The following BIRC2 variants were observed in gnomAD, a reference collection of about 807,000 sequenced individuals.
The protein encoded by BIRC2 is baculoviral IAP repeat-containing protein 2.
A neutral mutation model predicts 60.9 loss-of-function variants in BIRC2; 18 were observed. That is an observed-to-expected ratio of 0.30 (90% confidence interval 0.20 to 0.44). The LOEUF (loss-of-function observed/expected upper bound fraction) is 0.44. BIRC2 is among the 20% of genes least tolerant of loss of function. The pLI is 1.00. For synonymous variants in BIRC2, 282 were observed against 247.7 expected (o/e 1.14, Z -1.30); for missense variants, 701 against 728.5 (o/e 0.96, Z 0.43).
Position 102,349,851 on chromosome 11 carries a change from A to C in BIRC2, c.-4A>C. Reference sequence around the variant, plus strand: ...TAGCTATCAAACAGTACTGTCACCTACTCATGCACAAAACTGCCTCCCAAA... The same window carrying C: ...TAGCTATCAAACAGTACTGTCACCTCCTCATGCACAAAACTGCCTCCCAAA... On this transcript the variant is annotated 5_prime_UTR_variant, in exon 2 of 9. Transcript: ENST00000227758. The C allele has an allele frequency of 6.3e-7, 1 of 1,595,298 alleles. No individual in the cohort carries two copies. The highest frequency in any genetic ancestry group is 8.5e-7 in the Non-Finnish European group (1 of 1,170,228).
At chr11:102,373,819 T>G (rs1489933349) in intron 6 of BIRC2, among the ~76,000 whole-genome samples, 3 of 151,700 alleles carry the variant, frequency 2.0e-5, no homozygotes, top group African/African-American at 7.3e-5. Context: ...CAGACGTAGA[T>G]TTGGTCTTTT....
intron 3 of BIRC2, among the ~76,000 whole-genome samples, chr11:102,362,588 A>G (rs1464031930): frequency 6.6e-6 from 1 of 152,214 alleles, no homozygotes; most frequent in Admixed American, 6.5e-5. Flanking sequence ...CTTTAAGCAC[A>G]AAATAGATTG....
chr11:102,367,364 A>C (rs1163824132), intron 5 of BIRC2, among the ~76,000 whole-genome samples: 1 of 146,874 alleles, frequency 6.8e-6, no homozygotes, highest in African/African-American at 2.5e-5. Context: ...TGTGTCTCTT[A>C]TCTTGAACAT....
intron 6 of BIRC2, among the ~76,000 whole-genome samples, chr11:102,375,624 C>A (rs1951702808): frequency 6.6e-6 from 1 of 151,858 alleles, no homozygotes; most frequent in African/African-American, 2.4e-5. Context: ...ACTAAAAATA[C>A]AAAAAATTAG....
At chr11:102,362,234 T>C (rs1349180869) in intron 3 of BIRC2, among the ~76,000 whole-genome samples, 3 of 152,208 alleles carry the variant, frequency 2.0e-5, no homozygotes, top group Non-Finnish European at 4.4e-5. Context: ...GCATATAATA[T>C]GGGCATAGGT....
At chr11:102,361,409 T>C (rs557110320) in intron 3 of BIRC2, among the ~76,000 whole-genome samples, 9 of 152,158 alleles carry the variant, frequency 5.9e-5, no homozygotes, top group African/African-American at 2.2e-4. Context: ...CAGCTGTGGC[T>C]CTGGGGTCTG....
chr11:102,362,183 T>G (rs1314640920), intron 3 of BIRC2, among the ~76,000 whole-genome samples: 1 of 152,190 alleles, frequency 6.6e-6, no homozygotes, highest in Admixed American at 6.5e-5. Context: ...TTATTGTTTT[T>G]GGTTTTATAT....
chr11:102,374,487 A>G lies in BIRC2; in HGVS notation c.1367-3009A>G, dbSNP rs1421503414. On this transcript the variant is annotated intron_variant, in intron 6 of 8. Transcript: ENST00000227758. ...CTCCCAGTTAGGCTGCTCGGGGGTC[A>G]GGGGTCAGGGACCCACTTGAGGAGG... Among the ~76,000 whole-genome samples, 19 of 150,354 alleles carry G rather than the reference A, an allele frequency of 1.3e-4. No homozygotes were observed. The East Asian group carries it at 3.1e-3, about 25-fold the overall frequency.
rs1016034793 is a variant in BIRC2 at position 102,373,352 on chromosome 11, G to A, written c.1367-4144G>A. ...AGTGCTTCCTTCCGGAGCTCTTTTA[G>A]GGCAGGCCTGGTGGTGACAAAATCT... On this transcript the variant is annotated intron_variant, in intron 6 of 8. Coordinates refer to ENST00000227758, the MANE Select transcript of BIRC2 (RefSeq NM_001166.5). 2.8e-4 allele frequency among the ~76,000 whole-genome samples: 43 copies of A among 152,224 alleles called. No individual in the cohort carries two copies. In the South Asian group the frequency reaches 8.7e-3, roughly 31 times the overall value.
rs1165927913 is a variant in BIRC2, at chr11:102,347,291, T to G, written c.-1343T>G. 6.6e-6 allele frequency: 1 copy of G among 152,276 alleles called. No individual in the cohort carries two copies. Among genetic ancestry groups the G allele is most frequent in the African/African-American group, 2.4e-5 (1 of 41,450 alleles). 9.4% of individuals were successfully genotyped at this position (152,276 alleles called of 1,614,324 possible). On this transcript the variant is annotated 5_prime_UTR_variant, in exon 1 of 9. Coordinates refer to ENST00000227758, the MANE Select transcript of BIRC2 (RefSeq NM_001166.5). ...GCTGATCCGAGCCGAGCGGGCCGTA[T>G]CTCCTTGTCGGCGCCGCTGATTCCC...
At chr11:102,355,760 A>T (rs1951412974) in intron 3 of BIRC2, among the ~76,000 whole-genome samples, 1 of 152,142 alleles carries the variant, frequency 6.6e-6, no homozygotes, top group Non-Finnish European at 1.5e-5. Flanking sequence ...GATTGTTTAA[A>T]AATTTATTTC....
In BIRC2 at chr11:102,377,628, C is replaced by T. The variant is rs1427825203; in HGVS notation, c.1499C>T (p.Thr500Ile). 6.2e-7 allele frequency: 1 copy of T among 1,610,914 alleles called. No homozygotes were observed. The highest frequency in any genetic ancestry group is 8.5e-7 in the Non-Finnish European group (1 of 1,179,222). Residue 500 changes from threonine (T) to isoleucine (I), a missense_variant, in exon 7 of 9, where the codon ACA becomes ATA. This residue lies in a region of BIRC2 where 235 missense variants were observed against 208.9 expected (regional missense o/e 1.12). Coordinates refer to ENST00000227758, the MANE Select transcript of BIRC2 (RefSeq NM_001166.5). ...GAACATGATATTATTAAACAAAAAA[C>T]ACAGATACCTTTACAAGCGAGAGAA... The part of the protein sequence containing the change: ...KQEHDIIKQK[T>I]QIPLQARELI...
chr11:102,366,525 C>T (rs1951554658), intron 5 of BIRC2, among the ~76,000 whole-genome samples: 1 of 152,196 alleles, frequency 6.6e-6, no homozygotes, highest in South Asian at 2.1e-4. Flanking sequence ...CACCACCACG[C>T]CCGGCTAATT....
intron 3 of BIRC2, among the ~76,000 whole-genome samples, chr11:102,353,953 A>T (rs977690590): frequency 6.6e-6 from 1 of 152,190 alleles, no homozygotes; most frequent in South Asian, 2.1e-4. Flanking sequence ...ACCCCCATGT[A>T]TACCAAAATT....
intron 5 of BIRC2, among the ~76,000 whole-genome samples, chr11:102,367,460 G>A (rs552182366): frequency 7.9e-5 from 12 of 152,014 alleles, no homozygotes; most frequent in Non-Finnish European, 1.8e-4. Context: ...CCATTTCTTC[G>A]GACACGGATT....
At chr11:102,360,192 C>T (rs1257749788) in intron 3 of BIRC2, among the ~76,000 whole-genome samples, 4 of 152,052 alleles carry the variant, frequency 2.6e-5, no homozygotes, top group African/African-American at 9.7e-5. Flanking sequence ...GTCTTGAACC[C>T]CTGACTTCAT....
intron 6 of BIRC2, 63 bp from the exon 7 acceptor site, chr11:102,377,433 C>CTA (rs1951726990): frequency 6.9e-7 from 1 of 1,444,626 alleles, no homozygotes; most frequent in Non-Finnish European, 9.3e-7. Flanking sequence ...TTATTAGTGA[C>CTA]TATATGAGTA....
intron 5 of BIRC2, among the ~76,000 whole-genome samples, chr11:102,365,350 G>A (rs1951541452): frequency 6.6e-6 from 1 of 152,066 alleles, no homozygotes; most frequent in Non-Finnish European, 1.5e-5. Context: ...AAATTTCCAT[G>A]AATGAATGTC....
At chr11:102,363,803 T>TTTGAGAGG (rs1951512689) in intron 5 of BIRC2, 87 bp downstream of exon 5, 1 of 1,053,628 alleles carries the variant, frequency 9.5e-7, no homozygotes, top group East Asian at 2.7e-5. Context: ...ATGCCTGTAA[T>TTTGAGAGG]CCCAACACTT....
Sources: gnomAD v4.1 joint callset for allele counts (sites outside exome capture counted in the v4.1 genomes callset) on GRCh38, gnomAD v4.1.1 for gene constraint, gnomAD v4.1.1 regional missense constraint, MANE v1.5 for transcripts, NCBI Gene and HGNC (gene_info 2026-07-23, HGNC 2026-07-21) for gene names.